The following RAC1 variants were observed in gnomAD, a reference collection of about 807,000 sequenced individuals.
RAC1 encodes the protein ras-related C3 botulinum toxin substrate 1.
A neutral mutation model predicts 25.2 loss-of-function variants in RAC1; 2 were observed. That is an observed-to-expected ratio of 0.08 (90% CI 0.03 to 0.25). The LOEUF is 0.25. Among genes scored for constraint, RAC1 ranks in the 10% least tolerant of loss-of-function variants. RAC1 has a pLI of 1.00. For missense variants in RAC1, 50 were observed against 235.7 expected, an observed-to-expected ratio of 0.21 and a Z score of 5.16; for synonymous variants, 88 against 94.0, an observed-to-expected ratio of 0.94 and a Z score of 0.37.
chr7:6,398,764 C>T (rs1283673444), intron 3 of RAC1: 2 of 1,562,854 alleles, frequency 1.3e-6, no homozygotes, highest in Non-Finnish European at 1.8e-6. Context: ...TTTCTCTGTT[C>T]TCTCATTTCA....
intron 2 of RAC1, among the ~76,000 whole-genome samples, chr7:6,390,457 G>A (rs1371623974): frequency 7.3e-5 from 11 of 151,664 alleles, no homozygotes; most frequent in Non-Finnish European, 1.3e-4. Context: ...AAAATTAACC[G>A]GGCATGGTGG....
intron 2 of RAC1, chr7:6,391,562 T>C (rs1024766762): frequency 2.7e-5 from 7 of 262,128 alleles, no homozygotes; most frequent in African/African-American, 1.3e-4. Context: ...GCAACATAAG[T>C]ACATGAAAAA....
At position 6,403,617 on chromosome 7, in the gene RAC1, AT is replaced by A. The variant is rs1168330132; in HGVS notation, c.*1173del. ...TATAGTTTTTAAAATATTTTAGATAATTCTTAAACTATGAACCTTCTTAACA... is the reference window on the plus strand; with the variant it reads ...TATAGTTTTTAAAATATTTTAGATAATCTTAAACTATGAACCTTCTTAACA... On this transcript the variant is annotated 3_prime_UTR_variant, in exon 6 of 6. Transcript: ENST00000348035. 2 of 213,312 alleles carry A rather than the reference AT, an allele frequency of 9.4e-6. No homozygotes were observed. Among genetic ancestry groups the A allele is most frequent in the African/African-American group, 4.5e-5 (2 of 44,410 alleles). 13.2% of individuals were successfully genotyped at this position (213,312 alleles called of 1,614,324 possible).
chr7:6,394,595 A>G (rs1783174750), intron 3 of RAC1, among the ~76,000 whole-genome samples: 1 of 152,188 alleles, frequency 6.6e-6, no homozygotes, highest in Non-Finnish European at 1.5e-5. Flanking sequence ...GTTCGCTGAG[A>G]TGCTGAGCCT....
chr7:6,375,459 C>G (rs1782556539), intron 1 of RAC1, among the ~76,000 whole-genome samples: 1 of 152,050 alleles, frequency 6.6e-6, no homozygotes, highest in Non-Finnish European at 1.5e-5. Context: ...TTCCTGCGCT[C>G]AAGTGATTCT....
At chr7:6,402,159 C>T (rs1172027968) in intron 5 of RAC1, 132 bp downstream of exon 5, 2 of 1,443,258 alleles carry the variant, frequency 1.4e-6, no homozygotes, top group African/African-American at 1.4e-5. Flanking sequence ...AACCAGCTGG[C>T]AAGGCCCTGT....
intron 1 of RAC1, among the ~76,000 whole-genome samples, chr7:6,378,193 C>G (rs1782659196): frequency 6.6e-6 from 1 of 152,148 alleles, no homozygotes; most frequent in South Asian, 2.1e-4. Context: ...TTTCAATCTT[C>G]TGGGATGAGT....
intron 2 of RAC1, among the ~76,000 whole-genome samples, chr7:6,390,593 G>C (rs1373736319): frequency 1.3e-5 from 2 of 150,038 alleles, no homozygotes; most frequent in African/African-American, 4.9e-5. Context: ...GTGAGATTCT[G>C]TCTCAAAAAA....
At chr7:6,384,632 C>T (rs1175239424) in intron 1 of RAC1, among the ~76,000 whole-genome samples, 1 of 151,944 alleles carries the variant, frequency 6.6e-6, no homozygotes, top group Non-Finnish European at 1.5e-5. Context: ...CAAGAGCCAC[C>T]ACTTATTTTT....
At chr7:6,380,839 A>G (rs754178454) in intron 1 of RAC1, among the ~76,000 whole-genome samples, 6 of 152,096 alleles carry the variant, frequency 3.9e-5, no homozygotes, top group Non-Finnish European at 8.8e-5. Context: ...AAGAGGATTT[A>G]TAGAGGAGTT....
At chr7:6,401,295 A>C (rs1011048213) in intron 4 of RAC1, among the ~76,000 whole-genome samples, 2 of 152,040 alleles carry the variant, frequency 1.3e-5, no homozygotes, top group African/African-American at 4.8e-5. Flanking sequence ...CTGGTTCAGA[A>C]GTTTCCTGGG....
At chr7:6,397,972 G>A (rs867334088) in intron 3 of RAC1, among the ~76,000 whole-genome samples, 3 of 152,334 alleles carry the variant, frequency 2.0e-5, no homozygotes, top group Middle Eastern at 3.4e-3. Flanking sequence ...CTGGGCAACA[G>A]AGCAAGACTC....
Position 6,390,096 on chromosome 7 carries a change from C to CTTTTTTTTTTTTTTTTTTT in RAC1, c.108-1825_108-1807dup, listed in dbSNP as rs34547258. ...CCTCCCTTGCTCCCTCCCTCCCTCC[C>CTTTTTTTTTTTTTTTTTTT]TTTTTTTTTTTTTTTTTTTTTGAGA... On this transcript the variant is annotated intron_variant, in intron 2 of 5. Coordinates refer to ENST00000348035, the MANE Select transcript of RAC1 (RefSeq NM_006908.5). Among the ~76,000 whole-genome samples the CTTTTTTTTTTTTTTTTTTT allele has an allele frequency of 8.0e-5, 6 of 74,916 alleles. 1 individual carries two copies. Among genetic ancestry groups the CTTTTTTTTTTTTTTTTTTT allele is most frequent in the East Asian group, 7.7e-4 (1 of 1,298 alleles). 49.1% of individuals were successfully genotyped at this position (74,916 alleles called of 152,430 possible). A position where few individuals can be genotyped will look rare whatever the true frequency, so the allele number is the denominator to read the frequency against.
rs532631334 is a variant in RAC1, at chr7:6,403,395, C to G, written c.*949C>G. ...AACTGGTTGTTCTGTTAGTCGCTAA[C>G]TTAGTAAGTGCTTTTCTTATAGAAC... On this transcript the variant is annotated 3_prime_UTR_variant, in exon 6 of 6. Coordinates refer to ENST00000348035, the MANE Select transcript of RAC1 (RefSeq NM_006908.5). The G allele has an allele frequency of 2.3e-5, 5 of 212,780 alleles. No individual in the cohort carries two copies. The South Asian group carries it at 7.5e-4, about 32-fold the overall frequency. The allele number at this position is 212,780 out of a possible 1,614,324, so 13.2% of individuals were successfully genotyped here. A position where few individuals can be genotyped will look rare whatever the true frequency, so the allele number is the denominator to read the frequency against.
chr7:6,398,096 C>A (rs1783298015), intron 3 of RAC1, among the ~76,000 whole-genome samples: 1 of 152,214 alleles, frequency 6.6e-6, no homozygotes, highest in Non-Finnish European at 1.5e-5. Context: ...CAAGTCTGTA[C>A]ATTCAAACCA....
intron 1 of RAC1, among the ~76,000 whole-genome samples, chr7:6,383,216 G>C (rs973763294): frequency 6.6e-6 from 1 of 152,200 alleles, no homozygotes; most frequent in African/African-American, 2.4e-5. Flanking sequence ...TTCTTCATGA[G>C]GGAAAGGCCA....
At chr7:6,396,262 A>G (rs998869046) in intron 3 of RAC1, among the ~76,000 whole-genome samples, 7 of 152,104 alleles carry the variant, frequency 4.6e-5, no homozygotes, top group Non-Finnish European at 7.4e-5. Flanking sequence ...GGTCCTCTTG[A>G]GTGTTACGAG....
chr7:6,378,809 C>T lies in RAC1; in HGVS notation c.35+4039C>T, dbSNP rs575682579. Among the ~76,000 whole-genome samples the T allele has an allele frequency of 7.0e-4, 106 of 152,182 alleles. 1 individual carries two copies. The highest frequency in any genetic ancestry group is 2.0e-3 in the African/African-American group (82 of 41,518). On this transcript the variant is annotated intron_variant, in intron 1 of 5. Transcript: ENST00000348035. ...TTTTCCTAGGTAAGACAGCATCACC[C>T]GGGCGCGATGGCTCATGCCTGTAAT... is the stretch of plus-strand genomic sequence containing the variant.
chr7:6,403,138 T>G lies in RAC1; in HGVS notation c.*692T>G. The G allele has an allele frequency of 4.6e-6, 1 of 215,618 alleles. No homozygotes were observed. Among genetic ancestry groups the G allele is most frequent in the Non-Finnish European group, 9.4e-6 (1 of 106,766 alleles). 13.4% of individuals were successfully genotyped at this position (215,618 alleles called of 1,614,324 possible). On this transcript the variant is annotated 3_prime_UTR_variant, in exon 6 of 6. Transcript: ENST00000348035. Reference sequence around the variant, plus strand: ...TTAGCTGTGGGTGTGCCGGGTGGGGTGTGTGTGATCAAAGGACAAAGACAG... The same window carrying G: ...TTAGCTGTGGGTGTGCCGGGTGGGGGGTGTGTGATCAAAGGACAAAGACAG...
Sources: allele counts gnomAD v4.1 joint callset (sites outside exome capture counted in the v4.1 genomes callset), GRCh38; gene constraint gnomAD v4.1.1; transcripts MANE v1.5; gene names NCBI Gene and HGNC (gene_info 2026-07-23, HGNC 2026-07-21).